Variants in MDGA2 observed in about 807,000 individuals in gnomAD.
The protein encoded by MDGA2 is MAM domain containing glycosylphosphatidylinositol anchor 2.
In MDGA2, 40 loss-of-function variants were observed where a neutral mutation model predicts 117.8. The ratio of observed to expected loss-of-function variants is 0.34; its 90% CI spans 0.26 to 0.44. The LOEUF is 0.44. Ranked by LOEUF, MDGA2 falls within the 20% of genes least tolerant of loss-of-function variation. The pLI is 1.00. For synonymous variants in MDGA2, 452 were observed against 439.0 expected (o/e 1.03, Z -0.37); for missense variants, 1,123 against 1,250.6 (o/e 0.90, Z 1.54).
intron 1 of MDGA2, among the ~76,000 whole-genome samples, chr14:47,394,915 G>C (rs951851874): frequency 1.3e-5 from 2 of 152,172 alleles, no homozygotes; most frequent in African/African-American, 4.8e-5. Flanking sequence ...CAATCTGGGA[G>C]GCTGAGGTGG....
At chr14:47,608,984 A>G (rs1896789852) in intron 1 of MDGA2, among the ~76,000 whole-genome samples, 1 of 152,116 alleles carries the variant, frequency 6.6e-6, no homozygotes, top group Non-Finnish European at 1.5e-5. Flanking sequence ...TTTATCACTT[A>G]CTGAGAAAAA....
At chr14:47,547,163 T>C (rs982678423) in intron 1 of MDGA2, among the ~76,000 whole-genome samples, 2 of 152,160 alleles carry the variant, frequency 1.3e-5, no homozygotes, top group Admixed American at 6.5e-5. Flanking sequence ...TCATTATTGA[T>C]AAGACAGTGA....
chr14:47,259,017 A>T (rs1887710765), intron 2 of MDGA2, among the ~76,000 whole-genome samples: 1 of 152,080 alleles, frequency 6.6e-6, no homozygotes, highest in South Asian at 2.1e-4. Flanking sequence ...AGAATTGAAA[A>T]CCACCTTAGT....
At chr14:47,646,210 T>G (rs1341139928) in intron 1 of MDGA2, among the ~76,000 whole-genome samples, 1 of 152,066 alleles carries the variant, frequency 6.6e-6, no homozygotes, top group Non-Finnish European at 1.5e-5. Context: ...AGGTTTTGCT[T>G]TTTTCACTTA....
At chr14:47,201,886 T>C (rs960227966) in intron 3 of MDGA2, among the ~76,000 whole-genome samples, 7 of 152,220 alleles carry the variant, frequency 4.6e-5, no homozygotes, top group Non-Finnish European at 8.8e-5. Flanking sequence ...ACCTATTTAA[T>C]GTATTAGGTG....
At chr14:47,365,672 C>T (rs895911231) in intron 1 of MDGA2, among the ~76,000 whole-genome samples, 2 of 152,196 alleles carry the variant, frequency 1.3e-5, no homozygotes, top group Non-Finnish European at 2.9e-5. Context: ...GTAACTAATT[C>T]TGTTTCCAAG....
intron 1 of MDGA2, among the ~76,000 whole-genome samples, chr14:47,609,924 C>T (rs1223207385): frequency 6.6e-6 from 1 of 151,994 alleles, no homozygotes; most frequent in African/African-American, 2.4e-5. Context: ...AAAAAGAAAA[C>T]TACTGACTGA....
chr14:46,958,589 TG>T (rs1340498197), intron 8 of MDGA2, among the ~76,000 whole-genome samples: 1 of 152,182 alleles, frequency 6.6e-6, no homozygotes, highest in Admixed American at 6.5e-5. Context: ...GTGAGGTCAG[TG>T]GGACCAAAAA....
At chr14:47,372,040 A>T (rs1447795546) in intron 1 of MDGA2, among the ~76,000 whole-genome samples, 2 of 151,836 alleles carry the variant, frequency 1.3e-5, no homozygotes, top group Non-Finnish European at 3.0e-5. Flanking sequence ...TAGAAAAGGA[A>T]CTAAGCAAAA....
At chr14:46,894,013 T>C (rs2933205) in intron 10 of MDGA2, among the ~76,000 whole-genome samples, 88,252 of 151,786 alleles carry the variant, frequency 0.58, 27,748 homozygotes, top group Admixed American at 0.72. Context: ...GAATTGCAGT[T>C]TGGGGTGACA....
chr14:47,345,350 A>C (rs1237588156), intron 1 of MDGA2, among the ~76,000 whole-genome samples: 1 of 152,148 alleles, frequency 6.6e-6, no homozygotes, highest in Non-Finnish European at 1.5e-5. Context: ...GAAGGTAAGA[A>C]TTACAATCTG....
intron 1 of MDGA2, among the ~76,000 whole-genome samples, chr14:47,337,124 A>T (rs1291020090): frequency 1.3e-5 from 2 of 152,078 alleles, no homozygotes; most frequent in Non-Finnish European, 2.9e-5. Flanking sequence ...TACTAACTAT[A>T]ACTGTAATTT....
At chr14:47,556,598 C>T (rs148566900) in intron 1 of MDGA2, among the ~76,000 whole-genome samples, 20 of 152,288 alleles carry the variant, frequency 1.3e-4, no homozygotes, top group African/African-American at 4.6e-4. Context: ...CCAGCTGGAA[C>T]AGCCTGGTCA....
chr14:47,023,350 G>A (rs1283623192), intron 8 of MDGA2, among the ~76,000 whole-genome samples: 1 of 152,036 alleles, frequency 6.6e-6, no homozygotes, highest in South Asian at 2.1e-4. Context: ...AAAAAGCGCT[G>A]GAATGGAAAA....
At chr14:47,419,362 T>C (rs1892533505) in intron 1 of MDGA2, among the ~76,000 whole-genome samples, 1 of 152,130 alleles carries the variant, frequency 6.6e-6, no homozygotes, top group African/African-American at 2.4e-5. Context: ...CCTAATGATA[T>C]TTATTGTAGG....
intron 1 of MDGA2, among the ~76,000 whole-genome samples, chr14:47,657,992 G>A (rs955916324): frequency 6.6e-6 from 1 of 152,152 alleles, no homozygotes; most frequent in Non-Finnish European, 1.5e-5. Flanking sequence ...CATGACATAT[G>A]TAGGGTACCT....
At chr14:47,434,364 AAC>A (rs1892856967) in intron 1 of MDGA2, among the ~76,000 whole-genome samples, 1 of 152,112 alleles carries the variant, frequency 6.6e-6, no homozygotes, top group Non-Finnish European at 1.5e-5. Context: ...TTATTTGAAA[AAC>A]AGACAACAAA....
chr14:47,296,969 G>A (rs1889095624), intron 2 of MDGA2, among the ~76,000 whole-genome samples: 1 of 152,156 alleles, frequency 6.6e-6, no homozygotes, highest in South Asian at 2.1e-4. Flanking sequence ...AGATTCACTT[G>A]GAGGGCTTGC....
intron 10 of MDGA2, among the ~76,000 whole-genome samples, chr14:46,904,006 T>G (rs1416383495): frequency 6.6e-6 from 1 of 152,196 alleles, no homozygotes; most frequent in Non-Finnish European, 1.5e-5. Context: ...TCAATTACAA[T>G]TGCTTTATAA....
Sources: allele counts gnomAD v4.1 joint callset (sites outside exome capture counted in the v4.1 genomes callset), GRCh38; gene constraint gnomAD v4.1.1; transcripts MANE v1.5; gene names NCBI Gene and HGNC (gene_info 2026-07-23, HGNC 2026-07-21).